AGTPBP1: variants seen among roughly 807,000 people sequenced by gnomAD.
AGTPBP1 encodes the protein ATP/GTP binding carboxypeptidase 1.
Under a neutral mutation model 143.9 loss-of-function variants are expected in AGTPBP1, and 70 were observed. The observed-to-expected ratio is 0.49, with a 90% CI of 0.40 to 0.59. AGTPBP1 has a LOEUF of 0.59. AGTPBP1 is among the 20% of genes least tolerant of loss of function. The probability of loss-of-function intolerance (pLI) is 0.00; values close to 1 mark genes in which losing one functional copy is unlikely to be tolerated. For synonymous variants in AGTPBP1, 463 were observed against 500.2 expected (o/e 0.93, Z 0.99); for missense variants, 1,229 against 1,464.5 (o/e 0.84, Z 2.62).
chr9:85,681,851 G>A (rs1487004038), intron 3 of AGTPBP1, among the ~76,000 whole-genome samples: 1 of 144,584 alleles, frequency 6.9e-6, no homozygotes, highest in Non-Finnish European at 1.5e-5. Context: ...CCGGGTTTAA[G>A]TGATTCTCCT....
the AGTPBP1 span, among the ~76,000 whole-genome samples, chr9:85,787,574 T>C: frequency 6.6e-6 from 1 of 152,046 alleles, no homozygotes; most frequent in Non-Finnish European, 1.5e-5. Flanking sequence ...CTGGTCAAAA[T>C]TTTACTATAT....
At chr9:85,693,945 A>G (rs1836057674) in intron 2 of AGTPBP1, among the ~76,000 whole-genome samples, 1 of 152,134 alleles carries the variant, frequency 6.6e-6, no homozygotes, top group African/African-American at 2.4e-5. Flanking sequence ...ACGGAGGCAC[A>G]AGCTCCTAGA....
intron 2 of AGTPBP1, among the ~76,000 whole-genome samples, chr9:85,698,672 C>T (rs959298912): frequency 6.8e-6 from 1 of 146,928 alleles, no homozygotes; most frequent in Non-Finnish European, 1.5e-5. Flanking sequence ...ATCTTCCCCA[C>T]CTAACCCTTT....
intron 25 of AGTPBP1, among the ~76,000 whole-genome samples, chr9:85,551,590 ACT>A (rs1217547127): frequency 6.6e-6 from 1 of 152,128 alleles, no homozygotes; most frequent in South Asian, 2.1e-4. Context: ...TGTTTGCTAA[ACT>A]CTTTATGAAA....
chr9:85,682,450 T>A (rs1318401956), intron 3 of AGTPBP1, among the ~76,000 whole-genome samples: 1 of 152,108 alleles, frequency 6.6e-6, no homozygotes, highest in Non-Finnish European at 1.5e-5. Context: ...AGCAAACAAG[T>A]GAAAAGACCA....
intron 17 of AGTPBP1, 29 bp from the exon 18 acceptor site, chr9:85,596,478 A>G (rs1376896828): frequency 7.0e-7 from 1 of 1,422,442 alleles, no homozygotes; most frequent in East Asian, 2.4e-5. Context: ...AAGAGAGAAA[A>G]TTATTTTCAT....
chr9:85,673,260 A>T (rs529242625), intron 6 of AGTPBP1, among the ~76,000 whole-genome samples: 17 of 152,254 alleles, frequency 1.1e-4, no homozygotes, highest in Admixed American at 3.9e-4. Context: ...GATGGAGGCT[A>T]GAGTAGCCCA....
intron 1 of AGTPBP1, among the ~76,000 whole-genome samples, chr9:85,735,387 G>C (rs373976264): frequency 1.0e-3 from 158 of 152,250 alleles, no homozygotes; most frequent in African/African-American, 3.3e-3. Context: ...ATGGGGGAGG[G>C]GGAGAGTAAT....
intron 13 of AGTPBP1, among the ~76,000 whole-genome samples, chr9:85,634,220 G>A (rs924107914): frequency 1.3e-5 from 2 of 148,806 alleles, no homozygotes; most frequent in African/African-American, 5.0e-5. Flanking sequence ...AAAAAAAGGA[G>A]GACAGGACAG....
chr9:85,779,673 G>C, the AGTPBP1 span, among the ~76,000 whole-genome samples: 1 of 152,038 alleles, frequency 6.6e-6, no homozygotes, highest in South Asian at 2.1e-4. Flanking sequence ...ACACTCAATA[G>C]TAACCATCAC....
intron 17 of AGTPBP1, among the ~76,000 whole-genome samples, chr9:85,599,630 C>T (rs1829536459): frequency 1.3e-5 from 2 of 152,178 alleles, no homozygotes; most frequent in Admixed American, 6.5e-5. Flanking sequence ...AGTTCCAATA[C>T]TTCTATCTTG....
At chr9:85,656,629 T>C (rs948507288) in intron 10 of AGTPBP1, among the ~76,000 whole-genome samples, 2 of 152,016 alleles carry the variant, frequency 1.3e-5, no homozygotes, top group Admixed American at 1.3e-4. Flanking sequence ...GGGGGTTGCA[T>C]TGCAACATCC....
chr9:85,628,202 T>C (rs1451326228), intron 14 of AGTPBP1, among the ~76,000 whole-genome samples: 1 of 152,194 alleles, frequency 6.6e-6, no homozygotes, highest in Non-Finnish European at 1.5e-5. Context: ...CTAAGTAATA[T>C]GAATAGAATC....
intron 2 of AGTPBP1, among the ~76,000 whole-genome samples, chr9:85,709,331 T>C (rs1434816588): frequency 6.6e-6 from 1 of 152,214 alleles, no homozygotes; most frequent in African/African-American, 2.4e-5. Context: ...TTCAACCTGA[T>C]AAAAAGCATT....
intron 1 of AGTPBP1, among the ~76,000 whole-genome samples, chr9:85,730,657 C>CT (rs919477669): frequency 6.6e-6 from 1 of 152,206 alleles, no homozygotes; most frequent in Non-Finnish European, 1.5e-5. Flanking sequence ...TGTACCATAG[C>CT]TTGAACTTGC....
chr9:85,645,985 T>C (rs1187959893), intron 12 of AGTPBP1, among the ~76,000 whole-genome samples: 3 of 152,196 alleles, frequency 2.0e-5, no homozygotes, highest in Non-Finnish European at 4.4e-5. Context: ...CCCAAAAGAC[T>C]GCTGACAAAG....
intron 23 of AGTPBP1, among the ~76,000 whole-genome samples, chr9:85,581,024 G>C (rs771680194): frequency 1.2e-4 from 19 of 152,140 alleles, no homozygotes; most frequent in Non-Finnish European, 2.5e-4. Context: ...AGAATGACTA[G>C]GAAAAGATAA....
At position 85,585,481 on chromosome 9, in the gene AGTPBP1, C is replaced by T. The variant is rs1290472281; in HGVS notation, c.3147G>A (p.Val1049=). ...TAATTACCCTGTATCCCGTATCCTC[C>T]ACAACATCACATGAAGTTGCATTAT... ...TNDNATSCDV[V]EDTGYRTLPK... is the part of the protein sequence containing the mutation. Residue 1049 remains valine (V), a synonymous_variant, in exon 23 of 26, where the codon GTG becomes GTA. Transcript: ENST00000357081. The T allele has an allele frequency of 1.2e-6, 2 of 1,606,144 alleles. No individual in the cohort carries two copies. Among genetic ancestry groups the T allele is most frequent in the African/African-American group, 1.3e-5 (1 of 74,626 alleles).
chr9:85,660,668 A>G (rs1476152179), intron 9 of AGTPBP1, among the ~76,000 whole-genome samples: 2 of 152,132 alleles, frequency 1.3e-5, no homozygotes, highest in African/African-American at 2.4e-5. Context: ...ATGGATTTTT[A>G]TGTTATCTAA....
Sources: allele counts gnomAD v4.1 joint callset (sites outside exome capture counted in the v4.1 genomes callset), GRCh38; gene constraint gnomAD v4.1.1; transcripts MANE v1.5; gene names NCBI Gene and HGNC (gene_info 2026-07-23, HGNC 2026-07-21).